The following APBA1 variants were observed in gnomAD, a reference collection of about 807,000 sequenced individuals.
APBA1 encodes the protein amyloid beta precursor protein binding family A member 1, also known as amyloid-beta A4 precursor protein-binding family A member 1.
In APBA1, 55 loss-of-function variants were observed where a neutral mutation model predicts 86.6. The ratio of observed to expected loss-of-function variants is 0.64; its 90% confidence interval spans 0.51 to 0.80. APBA1 has a LOEUF of 0.80. Ranked by LOEUF, APBA1 falls within the 30% of genes least tolerant of loss-of-function variation. The pLI is 0.00. For missense variants in APBA1, 1,090 were observed against 1,183.0 expected, an observed-to-expected ratio of 0.92 and a Z score of 1.15; for synonymous variants, 511 against 493.9, an observed-to-expected ratio of 1.03 and a Z score of -0.46.
At chr9:69,641,424 T>C (rs1823284905) in intron 1 of APBA1, among the ~76,000 whole-genome samples, 1 of 152,158 alleles carries the variant, frequency 6.6e-6, no homozygotes, top group Non-Finnish European at 1.5e-5. Flanking sequence ...TATATGGAAA[T>C]GCTAAAATCT....
At chr9:69,515,434 ATTCT>A (rs1423163451) in intron 2 of APBA1, among the ~76,000 whole-genome samples, 1 of 151,872 alleles carries the variant, frequency 6.6e-6, no homozygotes, top group Non-Finnish European at 1.5e-5. Flanking sequence ...CACATACCCT[ATTCT>A]TTCTACTTGG....
In APBA1 at chr9:69,620,552, C is replaced by T. The variant is rs913461884; in HGVS notation, c.-70+51601G>A. Among the ~76,000 whole-genome samples the T allele has an allele frequency of 4.6e-5, 7 of 152,208 alleles. No individual in the cohort carries two copies. The South Asian group carries it at 6.2e-4, about 14-fold the overall frequency. On this transcript the variant is annotated intron_variant, in intron 1 of 12. Coordinates refer to ENST00000265381, the MANE Select transcript of APBA1 (RefSeq NM_001163.4). The stretch of plus-strand genomic sequence containing the variant: ...ATTAGCTGGGCATGGTGGCATGTGC[C>T]TGTAGTCCTAGCTACTTGGGAGGCT...
intron 1 of APBA1, among the ~76,000 whole-genome samples, chr9:69,537,926 C>T (rs1836539614): frequency 6.6e-6 from 1 of 151,886 alleles, no homozygotes; most frequent in African/African-American, 2.4e-5. Flanking sequence ...CATAGAGAAA[C>T]TTAAAAGTTT....
intron 1 of APBA1, among the ~76,000 whole-genome samples, chr9:69,628,253 G>C (rs1822971883): frequency 6.6e-6 from 1 of 152,146 alleles, no homozygotes; most frequent in Non-Finnish European, 1.5e-5. Flanking sequence ...TTCTTCCCCA[G>C]CCAAGCCTCA....
intron 2 of APBA1, among the ~76,000 whole-genome samples, chr9:69,490,911 T>A (rs1023606765): frequency 2.0e-5 from 3 of 151,924 alleles, no homozygotes; most frequent in African/African-American, 7.3e-5. Context: ...TGAGCTACCA[T>A]CTCACACCAG....
chr9:69,467,535 C>T (rs565872870), intron 5 of APBA1, among the ~76,000 whole-genome samples: 13 of 152,184 alleles, frequency 8.5e-5, no homozygotes, highest in East Asian at 3.9e-4. Flanking sequence ...ATACTCAAAA[C>T]GGCATCCTTC....
At chr9:69,631,761 A>G (rs1399227066) in intron 1 of APBA1, among the ~76,000 whole-genome samples, 1 of 152,240 alleles carries the variant, frequency 6.6e-6, no homozygotes, top group Non-Finnish European at 1.5e-5. Context: ...TTGTAGGAAC[A>G]TGGATGAAGC....
At chr9:69,624,233 T>A (rs1439951103) in intron 1 of APBA1, among the ~76,000 whole-genome samples, 2 of 152,144 alleles carry the variant, frequency 1.3e-5, no homozygotes, top group Non-Finnish European at 2.9e-5. Context: ...CCACACTGCA[T>A]AAGACCAACA....
At chr9:69,515,690 T>TGGGGGGGGGGGGGGGGGGGG (rs60382603) in intron 2 of APBA1, among the ~76,000 whole-genome samples, 1 of 110,752 alleles carries the variant, frequency 9.0e-6, no homozygotes, top group Admixed American at 9.0e-5. Flanking sequence ...AATCAGAAAC[T>TGGGGGGGGGGGGGGGGGGGG]GGGGGGGGGG....
intron 1 of APBA1, among the ~76,000 whole-genome samples, chr9:69,580,649 T>A (rs1388050855): frequency 2.0e-5 from 3 of 152,316 alleles, no homozygotes; most frequent in South Asian, 4.1e-4. Flanking sequence ...AGCACAGTTA[T>A]TTTTTGCTGT....
chr9:69,517,629 A>G (rs545994952), intron 1 of APBA1, among the ~76,000 whole-genome samples: 80 of 152,354 alleles, frequency 5.3e-4, no homozygotes, highest in African/African-American at 1.9e-3. Flanking sequence ...CACATTTTCC[A>G]TCTGCTAACA....
At chr9:69,629,939 G>A (rs894681708) in intron 1 of APBA1, among the ~76,000 whole-genome samples, 3 of 151,986 alleles carry the variant, frequency 2.0e-5, no homozygotes, top group East Asian at 1.9e-4. Flanking sequence ...ATACATTAGC[G>A]AACAAAGCAG....
chr9:69,607,030 T>G (rs531269069), intron 1 of APBA1, among the ~76,000 whole-genome samples: 1 of 152,336 alleles, frequency 6.6e-6, no homozygotes, highest in African/African-American at 2.4e-5. Flanking sequence ...ACCCCCATAA[T>G]TCTGGCCAGA....
In APBA1 at chr9:69,516,710, G is replaced by T; in HGVS notation, c.501C>A (p.Gly167=). The change falls in exon 2 of 13, where the codon GGC becomes GGA. Residue 167 remains glycine, a synonymous_variant. Coordinates refer to ENST00000265381, the MANE Select transcript of APBA1 (RefSeq NM_001163.4). The surrounding 1 kb of genome is among the most constrained non-coding windows in gnomAD (Gnocchi z 7.3). ...GGAAGAGCCGGTGCGTGTAGACGTA[G>T]CCTGAGTAGGCCGCATTCATGGCTT... ...HEEAMNAAYS[G]YVYTHRLFHR... The T allele has an allele frequency of 6.2e-7, 1 of 1,611,226 alleles. No individual in the cohort carries two copies. Among genetic ancestry groups the T allele is most frequent in the Non-Finnish European group, 8.5e-7 (1 of 1,179,210 alleles).
At position 69,667,814 on chromosome 9, in the gene APBA1, T is replaced by C. The variant is rs114116347; in HGVS notation, c.-70+4339A>G. On this transcript the variant is annotated intron_variant, in intron 1 of 12. Coordinates refer to ENST00000265381, the MANE Select transcript of APBA1 (RefSeq NM_001163.4). ...AAGTCTGTTTTCACTGCTTTCCATT[T>C]CCCTTCCCCCACGCCTCCCTTCAAC... Among the ~76,000 whole-genome samples the C allele has an allele frequency of 6.1e-3, 932 of 152,068 alleles. 6 individuals carry two copies. Among genetic ancestry groups the C allele is most frequent in the Middle Eastern group, 0.01 (3 of 294 alleles).
intron 1 of APBA1, among the ~76,000 whole-genome samples, chr9:69,658,295 TCTCTCTCTC>T (rs1823669783): frequency 1.7e-5 from 1 of 59,736 alleles, no homozygotes; most frequent in Non-Finnish European, 3.4e-5. Flanking sequence ...TCTCTCTCTT[TCTCTCTCTC>T]TCTTTCTTTC....
At chr9:69,525,411 A>G (rs764026328) in intron 1 of APBA1, among the ~76,000 whole-genome samples, 29 of 152,240 alleles carry the variant, frequency 1.9e-4, no homozygotes, top group Non-Finnish European at 2.9e-4. Context: ...ATCTACAAAA[A>G]TCAGTAGCAC....
At chr9:69,496,896 A>C (rs1016015037) in intron 2 of APBA1, among the ~76,000 whole-genome samples, 1 of 152,036 alleles carries the variant, frequency 6.6e-6, no homozygotes, top group Non-Finnish European at 1.5e-5. Flanking sequence ...ACTGCTCAGA[A>C]CAGGCTGGGT....
chr9:69,663,280 C>T (rs1823786912), intron 1 of APBA1, among the ~76,000 whole-genome samples: 1 of 152,228 alleles, frequency 6.6e-6, no homozygotes, highest in African/African-American at 2.4e-5. Context: ...TGTTTACACA[C>T]ATTCATCTAT....
Sources: gnomAD v4.1 joint callset for allele counts (sites outside exome capture counted in the v4.1 genomes callset) on GRCh38, gnomAD v4.1.1 for gene constraint, Gnocchi (gnomAD v3.1) non-coding constraint, MANE v1.5 for transcripts, NCBI Gene and HGNC (gene_info 2026-07-23, HGNC 2026-07-21) for gene names.